Variants in RASSF5 observed in about 807,000 individuals in gnomAD.
RASSF5 encodes the protein Ras association domain family member 5, also known as ras association domain-containing protein 5.
RASSF5 carries 25 observed loss-of-function variants against 40.5 expected under a neutral mutation model. The ratio of observed to expected loss-of-function variants is 0.62; its 90% CI spans 0.45 to 0.86. RASSF5 has a LOEUF of 0.86. RASSF5 is among the 40% of genes least tolerant of loss of function. The pLI, the probability that RASSF5 is intolerant of heterozygous loss-of-function variation, is 0.00. For missense variants in RASSF5, 521 were observed against 572.8 expected, an observed-to-expected ratio of 0.91 and a Z score of 0.92; for synonymous variants, 246 against 252.4, an observed-to-expected ratio of 0.97 and a Z score of 0.24.
At chr1:206,562,225 A>G (rs547587642) in intron 2 of RASSF5, among the ~76,000 whole-genome samples, 20 of 152,298 alleles carry the variant, frequency 1.3e-4, no homozygotes, top group African/African-American at 4.8e-4. Context: ...CCAACCCCAC[A>G]GCCCTGGGAC....
intron 1 of RASSF5, among the ~76,000 whole-genome samples, chr1:206,521,518 G>T (rs1666907121): frequency 6.6e-6 from 1 of 152,150 alleles, no homozygotes; most frequent in South Asian, 2.1e-4. Flanking sequence ...ATTTCTGCAT[G>T]AACTTCATCT....
chr1:206,563,328 G>C (rs1455142877), intron 2 of RASSF5, among the ~76,000 whole-genome samples: 1 of 152,158 alleles, frequency 6.6e-6, no homozygotes, highest in Non-Finnish European at 1.5e-5. Context: ...CCAGGCACCT[G>C]GGAAGCTCTG....
chr1:206,582,427 A>G lies in RASSF5; in HGVS notation c.580-842A>G, dbSNP rs538387237. ...ACATACTGACTGTAGGGTGTGAGGC[A>G]GGTTGCTAAACTTCTCTTAGTCTCA... On this transcript the variant is annotated intron_variant, in intron 2 of 5. Transcript: ENST00000579436. Among the ~76,000 whole-genome samples the G allele has an allele frequency of 5.9e-5, 9 of 152,330 alleles. No homozygotes were observed. In the South Asian group the frequency reaches 1.9e-3, roughly 32 times the overall value.
At chr1:206,558,361 C>T (rs1424755938) in intron 2 of RASSF5, among the ~76,000 whole-genome samples, 4 of 151,530 alleles carry the variant, frequency 2.6e-5, no homozygotes, top group African/African-American at 4.9e-5. Context: ...GCCTGGGTGC[C>T]CTGGCCACTC....
chr1:206,556,743 T>C (rs1553401804), intron 2 of RASSF5, among the ~76,000 whole-genome samples: 1 of 152,228 alleles, frequency 6.6e-6, no homozygotes, highest in East Asian at 1.9e-4. Context: ...AAAATATTGC[T>C]GTTTCCCCAG....
intron 2 of RASSF5, among the ~76,000 whole-genome samples, chr1:206,566,501 C>G (rs1668292903): frequency 6.6e-6 from 1 of 152,162 alleles, no homozygotes; most frequent in Admixed American, 6.5e-5. Context: ...TGGTGGTGAA[C>G]TGTTCCCCCC....
chr1:206,584,905 C>A lies in RASSF5; in HGVS notation c.988+221C>A. ...CTTCAGGAAAACCACACCCTAGGCT[C>A]CCATTTCCTGATCTGTGCAATGGGA... On this transcript the variant is annotated intron_variant, in intron 4 of 5. Coordinates refer to ENST00000579436, the MANE Select transcript of RASSF5 (RefSeq NM_182663.4). This position sits in a 1 kb window ranked among gnomAD's most constrained non-coding sequence, Gnocchi z 4.9. The A allele has an allele frequency of 1.6e-6, 1 of 613,920 alleles. No individual in the cohort carries two copies. Among genetic ancestry groups the A allele is most frequent in the Non-Finnish European group, 2.9e-6 (1 of 349,122 alleles). 38.0% of individuals were successfully genotyped at this position (613,920 alleles called of 1,614,324 possible).
At chr1:206,526,412 T>A (rs1213117389) in intron 1 of RASSF5, among the ~76,000 whole-genome samples, 3 of 152,032 alleles carry the variant, frequency 2.0e-5, no homozygotes, top group Non-Finnish European at 2.9e-5. Flanking sequence ...ATCAAGGAAC[T>A]ACAGTAAGTG....
At chr1:206,553,528 T>C (rs1667903238) in intron 2 of RASSF5, among the ~76,000 whole-genome samples, 1 of 152,134 alleles carries the variant, frequency 6.6e-6, no homozygotes, top group South Asian at 2.1e-4. Context: ...AATAACAAAC[T>C]CAATCTTGAC....
rs568769774 is a variant in RASSF5, at chr1:206,587,419, T to C, written c.*441T>C. The C allele has an allele frequency of 5.5e-5, 14 of 256,292 alleles. No homozygotes were observed. The highest frequency in any genetic ancestry group is 3.0e-4 in the African/African-American group (13 of 43,656). The allele number at this position is 256,292 out of a possible 1,614,324, so 15.9% of individuals were successfully genotyped here. On this transcript the variant is annotated 3_prime_UTR_variant, in exon 6 of 6. Coordinates refer to ENST00000579436, the MANE Select transcript of RASSF5 (RefSeq NM_182663.4). ...ACCATTATTTATGAGTGAAAAGTTG[T>C]AGCACATTCCTTTTGCAGGTCTGAG... is the stretch of plus-strand genomic sequence containing the variant.
At chr1:206,527,664 A>G (rs1234648470) in intron 1 of RASSF5, among the ~76,000 whole-genome samples, 3 of 152,100 alleles carry the variant, frequency 2.0e-5, no homozygotes, top group African/African-American at 7.2e-5. Flanking sequence ...CCCTCCAAAG[A>G]CAGGACCGAA....
intron 2 of RASSF5, among the ~76,000 whole-genome samples, chr1:206,561,971 A>G (rs1235511407): frequency 2.0e-5 from 3 of 151,918 alleles, no homozygotes; most frequent in Admixed American, 1.3e-4. Flanking sequence ...CCCGGCCTAT[A>G]GTTAAATATT....
Position 206,529,027 on chromosome 1 carries a change from T to G in RASSF5, c.458-9145T>G, listed in dbSNP as rs913385612. 2.5e-6 allele frequency: 2 copies of G among 792,540 alleles called. 1 individual carries two copies. Among genetic ancestry groups the G allele is most frequent in the African/African-American group, 3.4e-5 (2 of 58,412 alleles). 49.1% of individuals were successfully genotyped at this position (792,540 alleles called of 1,614,324 possible). A position where few individuals can be genotyped will look rare whatever the true frequency, so the allele number is the denominator to read the frequency against. On this transcript the variant is annotated intron_variant, in intron 1 of 5. Coordinates refer to ENST00000579436, the MANE Select transcript of RASSF5 (RefSeq NM_182663.4). Reference sequence around the variant, plus strand: ...GAGAAAAGGCCTAAGAATTTTGGCATTGGACAGGACATCCAGCCCAAAAGA... The same window carrying G: ...GAGAAAAGGCCTAAGAATTTTGGCAGTGGACAGGACATCCAGCCCAAAAGA...
intron 1 of RASSF5, among the ~76,000 whole-genome samples, chr1:206,521,174 AG>A (rs1392698638): frequency 6.6e-6 from 1 of 151,618 alleles, no homozygotes; most frequent in Non-Finnish European, 1.5e-5. Flanking sequence ...AAAGGCTGCT[AG>A]GGGGGTCTGT....
Position 206,507,710 on chromosome 1 carries a change from G to T in RASSF5, c.108G>T (p.Pro36=). ...TGAGCGGCCCCGAGCTACCGCCGCC[G>T]CCCCCCGACCGGTCCTCGCGCCTCT... ...QSLSGPELPP[P]PPDRSSRLCV... Residue 36 remains proline, a synonymous_variant, in exon 1 of 6, where the codon CCG becomes CCT. Coordinates refer to ENST00000579436, the MANE Select transcript of RASSF5 (RefSeq NM_182663.4). 1 of 1,487,580 alleles carries T rather than the reference G, an allele frequency of 6.7e-7. No individual in the cohort carries two copies. Among genetic ancestry groups the T allele is most frequent in the Non-Finnish European group, 8.9e-7 (1 of 1,125,392 alleles). 92.1% of individuals were successfully genotyped at this position (1,487,580 alleles called of 1,614,324 possible). A position where few individuals can be genotyped will look rare whatever the true frequency, so the allele number is the denominator to read the frequency against.
chr1:206,520,546 G>T (rs1448173672), intron 1 of RASSF5, among the ~76,000 whole-genome samples: 1 of 149,868 alleles, frequency 6.7e-6, no homozygotes, highest in Non-Finnish European at 1.5e-5. Context: ...GGCGGAGGTT[G>T]CAGTAAGCCA....
At chr1:206,539,782 G>A (rs1167454737) in intron 2 of RASSF5, among the ~76,000 whole-genome samples, 2 of 152,154 alleles carry the variant, frequency 1.3e-5, no homozygotes, top group Non-Finnish European at 2.9e-5. Context: ...GTTTCCTGAA[G>A]GTTTTCCTCA....
intron 2 of RASSF5, among the ~76,000 whole-genome samples, chr1:206,563,242 C>G (rs1414781075): frequency 6.6e-6 from 1 of 152,104 alleles, no homozygotes; most frequent in East Asian, 1.9e-4. Context: ...GCTGTGAGCC[C>G]TGGTAGAAAA....
intron 1 of RASSF5, among the ~76,000 whole-genome samples, chr1:206,517,300 C>T (rs553743409): frequency 6.6e-6 from 1 of 151,918 alleles, no homozygotes; most frequent in South Asian, 2.1e-4. Flanking sequence ...ATGGTGAGAC[C>T]CCCACCTCTA....
Sources: gnomAD v4.1 joint callset for allele counts (sites outside exome capture counted in the v4.1 genomes callset) on GRCh38, gnomAD v4.1.1 for gene constraint, Gnocchi (gnomAD v3.1) non-coding constraint, MANE v1.5 for transcripts, NCBI Gene and HGNC (gene_info 2026-07-23, HGNC 2026-07-21) for gene names.